SLCO1B3: variants seen among roughly 807,000 people sequenced by gnomAD.
SLCO1B3 encodes liver-specific organic anion transporter 2.
A neutral mutation model predicts 71.8 loss-of-function variants in SLCO1B3; 72 were observed. The ratio of observed to expected loss-of-function variants is 1.00; its 90% CI spans 0.83 to 1.22. SLCO1B3 has a LOEUF of 1.22. SLCO1B3 is among the 50% of genes most tolerant of loss of function. The pLI is 0.00. For missense variants in SLCO1B3, 911 were observed against 819.7 expected (o/e 1.11, Z -1.36); for synonymous variants, 298 against 278.4 (o/e 1.07, Z -0.70).
rs1865192754 is a variant in SLCO1B3, at chr12:20,858,715, A to G, written c.359+144A>G. The G allele has an allele frequency of 7.5e-6, 5 of 667,036 alleles. No homozygotes were observed. The South Asian group carries it at 1.1e-4, about 15-fold the overall frequency. 41.3% of individuals were successfully genotyped at this position (667,036 alleles called of 1,614,324 possible). On this transcript the variant is annotated intron_variant, in intron 5 of 15. Coordinates refer to ENST00000381545, the MANE Select transcript of SLCO1B3 (RefSeq NM_019844.4). ...CATAGAGAAATGGAGTATATTTCCT[A>G]TATAATAGTTCATGTATTGCTTTAT...
chr12:20,893,404 G>A (rs1865941969), intron 13 of SLCO1B3, among the ~76,000 whole-genome samples: 1 of 152,172 alleles, frequency 6.6e-6, no homozygotes, highest in African/African-American at 2.4e-5. Context: ...CCATTCTATA[G>A]CTAACTTCAG....
At chr12:20,860,225 G>A (rs1865232786) in intron 5 of SLCO1B3, among the ~76,000 whole-genome samples, 1 of 152,096 alleles carries the variant, frequency 6.6e-6, no homozygotes, top group South Asian at 2.1e-4. Context: ...AAAGTGCTGG[G>A]ATTACAGGCG....
chr12:20,819,488 G>C (rs1864252396), intron 3 of SLCO1B3, among the ~76,000 whole-genome samples: 1 of 152,170 alleles, frequency 6.6e-6, no homozygotes, highest in African/African-American at 2.4e-5. Context: ...AGTAAAGAAA[G>C]CATGTTTGAG....
intron 13 of SLCO1B3, among the ~76,000 whole-genome samples, chr12:20,889,439 T>C (rs1454427648): frequency 6.6e-6 from 1 of 152,142 alleles, no homozygotes; most frequent in East Asian, 1.9e-4. Context: ...TGAGGTTGTA[T>C]GTTTCCAGGA....
At chr12:20,828,214 C>T (rs937048348) in intron 3 of SLCO1B3, among the ~76,000 whole-genome samples, 22 of 150,512 alleles carry the variant, frequency 1.5e-4, no homozygotes, top group African/African-American at 5.4e-4. Flanking sequence ...GTGCACTTGG[C>T]TACAAAGACA....
intron 3 of SLCO1B3, among the ~76,000 whole-genome samples, chr12:20,844,787 T>G (rs1054551214): frequency 1.3e-5 from 2 of 151,988 alleles, no homozygotes; most frequent in African/African-American, 2.4e-5. Context: ...CCCAGCACTT[T>G]GGGAGGCCAA....
chr12:20,872,369 C>T (rs78755754), intron 8 of SLCO1B3, among the ~76,000 whole-genome samples: 1 of 150,054 alleles, frequency 6.7e-6, no homozygotes, highest in African/African-American at 2.4e-5. Context: ...AAATGCTTTC[C>T]AAGAGCTTAG....
chr12:20,823,168 T>G (rs1042430674), intron 3 of SLCO1B3, among the ~76,000 whole-genome samples: 2 of 152,202 alleles, frequency 1.3e-5, no homozygotes, highest in African/African-American at 4.8e-5. Flanking sequence ...GTGTTGTCAG[T>G]AGGCACATAT....
Position 20,883,234 on chromosome 12 carries a change from T to C in SLCO1B3, c.1498-184T>C, listed in dbSNP as rs2053096. Among the ~76,000 whole-genome samples the C allele has an allele frequency of 0.72, 110,095 of 152,030 alleles. 42,467 individuals carry two copies. The highest frequency in any genetic ancestry group is 0.9 in the South Asian group (4,346 of 4,824). On this transcript the variant is annotated intron_variant, in intron 12 of 15. Transcript: ENST00000381545. ...AAATTATATACAGAATTTCATACAC[T>C]AATTTCTTAAATTCCTAAATTCAGG...
chr12:20,916,144 C>T lies in SLCO1B3; in HGVS notation c.2006C>T (p.Ala669Val), dbSNP rs750296032. Residue 669 changes from alanine (A) to valine (V), a missense_variant, in exon 16 of 16, where the codon GCA becomes GTA. Transcript: ENST00000381545. Reference sequence around the variant, plus strand: ...AATGAAAGAAAAGTAATGGATGAAGCAAACTTAGAATTCTTAAATAATGGT... The same window carrying T: ...AATGAAAGAAAAGTAATGGATGAAGTAAACTTAGAATTCTTAAATAATGGT... ...SDNERKVMDE[A>V]NLEFLNNGEH... is the part of the protein sequence containing the mutation. The T allele has an allele frequency of 3.7e-6, 6 of 1,613,108 alleles. No individual in the cohort carries two copies. In the African/African-American group the frequency reaches 4.0e-5, roughly 11 times the overall value.
chr12:20,891,980 A>G (rs1865913208), intron 13 of SLCO1B3, among the ~76,000 whole-genome samples: 1 of 152,000 alleles, frequency 6.6e-6, no homozygotes. Context: ...CAAGCTTTAC[A>G]TAATCCCATA....
intron 3 of SLCO1B3, among the ~76,000 whole-genome samples, chr12:20,822,496 A>G (rs1413935920): frequency 6.6e-6 from 1 of 152,116 alleles, no homozygotes; most frequent in Non-Finnish European, 1.5e-5. Flanking sequence ...GAATGTCATC[A>G]GTTAAGGCGG....
chr12:20,895,289 C>T (rs1385734636), intron 13 of SLCO1B3, among the ~76,000 whole-genome samples: 1 of 152,156 alleles, frequency 6.6e-6, no homozygotes, highest in Admixed American at 6.5e-5. Flanking sequence ...ACCCAAAAGT[C>T]CACAGTCCAA....
chr12:20,883,132 A>C (rs571267793), intron 12 of SLCO1B3, among the ~76,000 whole-genome samples: 1 of 152,286 alleles, frequency 6.6e-6, no homozygotes, highest in African/African-American at 2.4e-5. Flanking sequence ...GAACCTGCCA[A>C]AGAGAGTAAG....
At chr12:20,885,663 C>T (rs759470165) in intron 13 of SLCO1B3, among the ~76,000 whole-genome samples, 4 of 151,730 alleles carry the variant, frequency 2.6e-5, no homozygotes, top group Admixed American at 2.6e-4. Flanking sequence ...AGGAAAGGAA[C>T]AAGCTAGGCA....
chr12:20,860,980 G>T (rs755408421), intron 5 of SLCO1B3, 37 bp from the exon 6 acceptor site: 12 of 1,531,752 alleles, frequency 7.8e-6, no homozygotes, highest in African/African-American at 1.4e-5. Context: ...ATATTCAGTA[G>T]ATAAGCAAAA....
rs115673184 is a variant in SLCO1B3 at position 20,864,746 on chromosome 12, A to G, written c.727+1892A>G. Among the ~76,000 whole-genome samples the G allele has an allele frequency of 6.7e-3, 1,017 of 152,320 alleles. 15 individuals are homozygous for G. The highest frequency in any genetic ancestry group is 0.023 in the African/African-American group (959 of 41,594). ...TCAACTTCTACCCCTGACTGTTCAG[A>G]CCTTATCACATCTTCTCTTATTCTG... On this transcript the variant is annotated intron_variant, in intron 8 of 15. Coordinates refer to ENST00000381545, the MANE Select transcript of SLCO1B3 (RefSeq NM_019844.4).
At chr12:20,854,911 T>A (rs1865102059) in intron 3 of SLCO1B3, 117 bp from the exon 4 acceptor site, 4 of 972,630 alleles carry the variant, frequency 4.1e-6, no homozygotes, top group East Asian at 2.6e-5. Context: ...AAAATGGGTA[T>A]TTTTTTATGA....
chr12:20,855,002 T>C (rs1481264637), intron 3 of SLCO1B3, 26 bp from the exon 4 acceptor site: 1 of 1,601,354 alleles, frequency 6.2e-7, no homozygotes, highest in African/African-American at 1.3e-5. Context: ...TTAACCAATT[T>C]TCATTTTTTC....
Sources: allele counts gnomAD v4.1 joint callset (sites outside exome capture counted in the v4.1 genomes callset), GRCh38; gene constraint gnomAD v4.1.1; transcripts MANE v1.5; gene names NCBI Gene and HGNC (gene_info 2026-07-23, HGNC 2026-07-21).